Variants in TBC1D2B observed in about 807,000 individuals in gnomAD.
TBC1D2B encodes the protein TBC1 domain family, member 2B.
TBC1D2B carries 64 observed loss-of-function variants against 100.8 expected under a neutral mutation model. The observed-to-expected ratio is 0.64, with a 90% CI of 0.52 to 0.78. TBC1D2B has a LOEUF of 0.78. Among genes scored for constraint, TBC1D2B ranks in the 30% least tolerant of loss-of-function variants. The pLI, the probability that TBC1D2B is intolerant of heterozygous loss-of-function variation, is 0.00. For missense variants in TBC1D2B, 1,052 were observed against 1,218.4 expected (o/e 0.86, Z 2.03); for synonymous variants, 480 against 479.7 (o/e 1.00, Z -0.01).
intron 3 of TBC1D2B, among the ~76,000 whole-genome samples, chr15:78,036,095 A>G (rs550856084): frequency 6.6e-6 from 1 of 152,328 alleles, no homozygotes; most frequent in African/African-American, 2.4e-5. Flanking sequence ...CATAGTGGAT[A>G]CTGTACAATC....
At chr15:78,018,776 T>A (rs1325441958) in intron 6 of TBC1D2B, among the ~76,000 whole-genome samples, 2 of 152,180 alleles carry the variant, frequency 1.3e-5, no homozygotes, top group East Asian at 3.9e-4. Flanking sequence ...AGTGTTTTCA[T>A]GTAAAACACT....
intron 1 of TBC1D2B, chr15:78,066,199 T>C: frequency 2.5e-6 from 1 of 396,496 alleles, no homozygotes; most frequent in South Asian, 1.8e-5. Context: ...TTGGGGCCAA[T>C]GGAGAATTGG....
intron 1 of TBC1D2B, among the ~76,000 whole-genome samples, chr15:78,074,867 G>A (rs1207029294): frequency 6.6e-6 from 1 of 152,178 alleles, no homozygotes; most frequent in African/African-American, 2.4e-5. Flanking sequence ...GTTTACTACT[G>A]CATAATATTC....
At chr15:78,020,045 C>T (rs1003825966) in intron 6 of TBC1D2B, among the ~76,000 whole-genome samples, 2 of 152,234 alleles carry the variant, frequency 1.3e-5, no homozygotes, top group African/African-American at 2.4e-5. Context: ...ATGGCCACCA[C>T]ACCCAGCTAA....
chr15:78,040,784 A>AGAAGGAAG (rs1349885339), intron 3 of TBC1D2B, among the ~76,000 whole-genome samples: 2 of 142,982 alleles, frequency 1.4e-5, no homozygotes, highest in Non-Finnish European at 3.1e-5. Flanking sequence ...AAAGAAAGAA[A>AGAAGGAAG]GAAGGAAGGA....
chr15:78,025,343 C>T lies in TBC1D2B; in HGVS notation c.1002G>A (p.Arg334=). 1 of 1,613,964 alleles carries T rather than the reference C, an allele frequency of 6.2e-7. No individual in the cohort carries two copies. The highest frequency in any genetic ancestry group is 8.5e-7 in the Non-Finnish European group (1 of 1,179,894). The change falls in exon 5 of 13, where the codon AGG becomes AGA. Residue 334 remains arginine (R), a synonymous_variant. Transcript: ENST00000300584. ...GTSGSGSVSI[R]KPASEMQLQV... ...GCAGTTGCATTTCGGAGGCCGGCTTCCTGATGCTGACGCTGCCACTGCCTG... is the reference window on the plus strand; with the variant it reads ...GCAGTTGCATTTCGGAGGCCGGCTTTCTGATGCTGACGCTGCCACTGCCTG...
At chr15:78,000,131 C>T (rs779222544) in intron 12 of TBC1D2B, among the ~76,000 whole-genome samples, 11 of 152,226 alleles carry the variant, frequency 7.2e-5, no homozygotes, top group African/African-American at 2.2e-4. Flanking sequence ...AGCCTGCCGC[C>T]GCCTTGGCAC....
chr15:78,009,954 G>A (rs1386102252), intron 9 of TBC1D2B, among the ~76,000 whole-genome samples: 6 of 146,048 alleles, frequency 4.1e-5, no homozygotes, highest in African/African-American at 1.3e-4. Context: ...CGGCCTGGGC[G>A]AGAGAGCCAG....
chr15:78,045,345 T>C (rs2073173853), intron 2 of TBC1D2B, among the ~76,000 whole-genome samples: 2 of 152,122 alleles, frequency 1.3e-5, no homozygotes, highest in Admixed American at 6.5e-5. Context: ...AGGCTAGAAT[T>C]TTCCTCCAGT....
rs2073844746 is a variant in TBC1D2B, at chr15:78,077,274, T to C, written c.360+19A>G. ...CGCCGGCGGAAGCGCGCGGGCGGCT[T>C]TGGGGCGAGCGGTCCCACCTTGAGC... On this transcript the variant is annotated intron_variant, in intron 1 of 12. Transcript: ENST00000300584. 6.9e-7 allele frequency: 1 copy of C among 1,446,110 alleles called. No individual in the cohort carries two copies. The highest frequency in any genetic ancestry group is 9.1e-7 in the Non-Finnish European group (1 of 1,103,194). The allele number at this position is 1,446,110 out of a possible 1,614,324, so 89.6% of individuals were successfully genotyped here. A position where few individuals can be genotyped will look rare whatever the true frequency, so the allele number is the denominator to read the frequency against.
intron 3 of TBC1D2B, among the ~76,000 whole-genome samples, chr15:78,043,708 G>A (rs1220329404): frequency 2.0e-5 from 3 of 152,098 alleles, no homozygotes; most frequent in Admixed American, 6.5e-5. Flanking sequence ...AGGTATGCAC[G>A]GTGCCATTTA....
intron 9 of TBC1D2B, among the ~76,000 whole-genome samples, chr15:78,010,906 G>A (rs567637269): frequency 4.3e-4 from 65 of 152,306 alleles, no homozygotes; most frequent in African/African-American, 1.5e-3. Context: ...ATCTGGAAGT[G>A]TCATTTATGT....
intron 3 of TBC1D2B, among the ~76,000 whole-genome samples, chr15:78,042,554 CAG>C (rs1406267512): frequency 6.6e-6 from 1 of 152,212 alleles, no homozygotes; most frequent in Non-Finnish European, 1.5e-5. Context: ...TACTTTGAAA[CAG>C]AGGAAATCAG....
intron 12 of TBC1D2B, chr15:77,998,616 T>C: frequency 2.3e-6 from 1 of 434,744 alleles, no homozygotes; most frequent in Non-Finnish European, 4.1e-6. Context: ...ACCCCCCTTT[T>C]CTGGCCTCTG....
chr15:78,003,540 G>C, intron 10 of TBC1D2B, 50 bp from the exon 11 acceptor site: 3 of 1,493,892 alleles, frequency 2.0e-6, no homozygotes, highest in Non-Finnish European at 2.8e-6. Context: ...CAGGTCACCG[G>C]GTAAGCAGAC....
chr15:78,071,809 GTCGGT>G (rs750028004), intron 1 of TBC1D2B, among the ~76,000 whole-genome samples: 18 of 152,162 alleles, frequency 1.2e-4, no homozygotes, highest in Non-Finnish European at 2.1e-4. Flanking sequence ...CCTTACCTTA[GTCGGT>G]TCAGGCTGTT....
intron 3 of TBC1D2B, 63 bp from the exon 4 acceptor site, chr15:78,030,233 G>T: frequency 6.9e-7 from 1 of 1,453,454 alleles, no homozygotes; most frequent in Non-Finnish European, 9.3e-7. Context: ...GTAATCTCAT[G>T]TATATAGGAT....
At chr15:78,023,316 T>C (rs2072563262) in intron 6 of TBC1D2B, among the ~76,000 whole-genome samples, 1 of 152,188 alleles carries the variant, frequency 6.6e-6, no homozygotes, top group South Asian at 2.1e-4. Context: ...AAACAGGCTA[T>C]ACTTGATGCC....
intron 4 of TBC1D2B, among the ~76,000 whole-genome samples, chr15:78,029,017 AT>A (rs1486450376): frequency 6.6e-6 from 1 of 152,010 alleles, no homozygotes; most frequent in Non-Finnish European, 1.5e-5. Context: ...AATACTAAGG[AT>A]TTATTGTAAC....
Sources: gnomAD v4.1 joint callset for allele counts (sites outside exome capture counted in the v4.1 genomes callset) on GRCh38, gnomAD v4.1.1 for gene constraint, MANE v1.5 for transcripts, NCBI Gene and HGNC (gene_info 2026-07-23, HGNC 2026-07-21) for gene names.